The following TOP1MT variants were observed in gnomAD, a reference collection of about 807,000 sequenced individuals.
TOP1MT encodes DNA topoisomerase I, mitochondrial.
TOP1MT carries 80 observed loss-of-function variants against 73.9 expected under a neutral mutation model. The ratio of observed to expected loss-of-function variants is 1.08; its 90% CI spans 0.90 to 1.30. The LOEUF is 1.30. TOP1MT is among the 50% of genes most tolerant of loss of function. The pLI is 0.00. For synonymous variants in TOP1MT, 338 were observed against 326.4 expected (o/e 1.04, Z -0.38); for missense variants, 815 against 808.0 (o/e 1.01, Z -0.10).
At position 143,351,547 on chromosome 8, in the gene TOP1MT, T is replaced by G. The variant is rs189620893; in HGVS notation, c.-39+4418A>C. Reference sequence around the variant, plus strand: ...GTGAGCCAAGATCATGCCACCGCACTCCAGTCTGGGGGACAGAGTGAGACC... The same window carrying G: ...GTGAGCCAAGATCATGCCACCGCACGCCAGTCTGGGGGACAGAGTGAGACC... On this transcript the variant is annotated intron_variant, in intron 1 of 5. Transcript: ENST00000518760. Among the ~76,000 whole-genome samples, 45 of 145,130 alleles carry G rather than the reference T, an allele frequency of 3.1e-4. No individual in the cohort carries two copies. In the East Asian group the frequency reaches 9.1e-3, roughly 29 times the overall value.
At chr8:143,346,580 G>A (rs1817224736), upstream of TOP1MT, among the ~76,000 whole-genome samples, 1 of 152,200 alleles carries the variant, frequency 6.6e-6, no homozygotes, top group Non-Finnish European at 1.5e-5. Flanking sequence ...CCGGGAACTG[G>A]AAGCCAGCCT....
At chr8:143,330,737 G>A (rs958941006) in intron 2 of TOP1MT, among the ~76,000 whole-genome samples, 8 of 152,154 alleles carry the variant, frequency 5.3e-5, no homozygotes, top group African/African-American at 1.9e-4. Flanking sequence ...GGGCTCAAGG[G>A]CAGGAGGGGT....
upstream of TOP1MT, among the ~76,000 whole-genome samples, chr8:143,339,049 G>A (rs565131878): frequency 6.6e-6 from 1 of 152,304 alleles, no homozygotes; most frequent in African/African-American, 2.4e-5. Flanking sequence ...GCTGAATGCA[G>A]GAGCTGATAC....
chr8:143,315,302 A>C (rs562906222), intron 12 of TOP1MT, among the ~76,000 whole-genome samples: 54 of 152,070 alleles, frequency 3.6e-4, no homozygotes, highest in African/African-American at 1.2e-3. Context: ...ATAGCAGTAG[A>C]AAATTAGTGA....
At chr8:143,342,674 C>T (rs1390856256) in intron 2 of TOP1MT, among the ~76,000 whole-genome samples, 6 of 21,906 alleles carry the variant, frequency 2.7e-4, no homozygotes, top group South Asian at 3.3e-3. Flanking sequence ...GACAGTCTCG[C>T]TCTATTATTA....
At chr8:143,317,496 G>A (rs1816201370) in intron 10 of TOP1MT, among the ~76,000 whole-genome samples, 1 of 152,200 alleles carries the variant, frequency 6.6e-6, no homozygotes, top group Non-Finnish European at 1.5e-5. Flanking sequence ...CCGCCCCGCA[G>A]GGAGAACGTG....
At chr8:143,317,169 C>T (rs1586751659) in intron 10 of TOP1MT, among the ~76,000 whole-genome samples, 1 of 152,220 alleles carries the variant, frequency 6.6e-6, no homozygotes, top group East Asian at 1.9e-4. Flanking sequence ...TCTGTGCGTC[C>T]AATCTGCCCG....
chr8:143,321,922 C>A lies in TOP1MT; in HGVS notation c.961-536G>T, dbSNP rs1439566988. 3.2e-4 allele frequency among the ~76,000 whole-genome samples: 34 copies of A among 107,330 alleles called. 1 individual carries two copies. Among genetic ancestry groups the A allele is most frequent in the African/African-American group, 8.7e-4 (26 of 29,728 alleles). 70.4% of individuals were successfully genotyped at this position (107,330 alleles called of 152,430 possible). ...ACGCCACACACACAGGCACGCCACACACATGCACGCCACACACGCACGCCA... is the reference window on the plus strand; with the variant it reads ...ACGCCACACACACAGGCACGCCACAAACATGCACGCCACACACGCACGCCA... On this transcript the variant is annotated intron_variant, in intron 7 of 13. Coordinates refer to ENST00000329245, the MANE Select transcript of TOP1MT (RefSeq NM_052963.3).
chr8:143,354,491 T>C (rs555651182), intron 1 of TOP1MT, among the ~76,000 whole-genome samples: 1 of 152,164 alleles, frequency 6.6e-6, no homozygotes, highest in African/African-American at 2.4e-5. Context: ...GGCAGGCGGA[T>C]TACCTGAGGT....
rs143974988 is a variant in TOP1MT at position 143,317,766 on chromosome 8, G to A, written c.1287C>T (p.Asn429=). ...GCTGCTCCTGCAGAGTGATGGAGGCGTTGTAGGTCCGGAACACCTTGGCCG... is the reference window on the plus strand; with the variant it reads ...GCTGCTCCTGCAGAGTGATGGAGGCATTGTAGGTCCGGAACACCTTGGCCG... The part of the protein sequence containing the change: ...GLTAKVFRTY[N]ASITLQEQLR... The change falls in exon 10 of 14, where the codon AAC becomes AAT. Residue 429 remains asparagine (N), a synonymous_variant. Coordinates refer to ENST00000329245, the MANE Select transcript of TOP1MT (RefSeq NM_052963.3). The A allele has an allele frequency of 6.8e-5, 109 of 1,614,146 alleles. No individual in the cohort carries two copies. In the East Asian group the frequency reaches 7.4e-4, roughly 11 times the overall value.
At chr8:143,340,916 C>G (rs961309756) in intron 2 of TOP1MT, among the ~76,000 whole-genome samples, 1 of 152,164 alleles carries the variant, frequency 6.6e-6, no homozygotes, top group African/African-American at 2.4e-5. Flanking sequence ...CCGTAACTCT[C>G]CTTTCTGCTC....
chr8:143,351,876 G>A (rs1817326519), intron 1 of TOP1MT, among the ~76,000 whole-genome samples: 1 of 152,238 alleles, frequency 6.6e-6, no homozygotes, highest in African/African-American at 2.4e-5. Context: ...CTGAGGTCAG[G>A]AGTTCGAGAC....
chr8:143,313,527 G>T (rs1404737257), intron 12 of TOP1MT, among the ~76,000 whole-genome samples: 1 of 133,774 alleles, frequency 7.5e-6, no homozygotes, highest in Admixed American at 9.3e-5. Flanking sequence ...TCTAGCCTGG[G>T]TGACAGAGCA....
intron 2 of TOP1MT, among the ~76,000 whole-genome samples, chr8:143,330,528 T>G (rs1167514393): frequency 2.0e-5 from 3 of 152,136 alleles, no homozygotes. Flanking sequence ...AACTCAGGTG[T>G]GCATGTGACT....
chr8:143,322,052 A>C, intron 7 of TOP1MT, among the ~76,000 whole-genome samples: 1 of 105,826 alleles, frequency 9.4e-6, no homozygotes. Context: ...CATGCCACAC[A>C]CACAGGCACG....
At chr8:143,317,689 C>T (rs942714523) in intron 10 of TOP1MT, 34 bp downstream of exon 10, 13 of 1,588,592 alleles carry the variant, frequency 8.2e-6, no homozygotes, top group Non-Finnish European at 1.1e-5. Flanking sequence ...GCCGTGCTCC[C>T]CCCGCGCTGA....
At chr8:143,321,425 A>C in intron 7 of TOP1MT, 39 bp from the exon 8 acceptor site, 2 of 1,519,848 alleles carry the variant, frequency 1.3e-6, no homozygotes, top group South Asian at 1.2e-5. Context: ...TGGTGCGTGC[A>C]CACGCACGCC....
chr8:143,330,870 G>A (rs1816833386), intron 2 of TOP1MT, among the ~76,000 whole-genome samples: 1 of 149,028 alleles, frequency 6.7e-6, no homozygotes, highest in African/African-American at 2.5e-5. Flanking sequence ...ACCGTTCTGT[G>A]ATCCATGTGT....
At chr8:143,310,432 C>A (rs13256542) in intron 12 of TOP1MT, 2 of 440,476 alleles carry the variant, frequency 4.5e-6, no homozygotes, top group Non-Finnish European at 8.0e-6. Context: ...GGGCCGTGGG[C>A]GGAGGGTGAG....
Sources: gnomAD v4.1 joint callset for allele counts (sites outside exome capture counted in the v4.1 genomes callset) on GRCh38, gnomAD v4.1.1 for gene constraint, MANE v1.5 for transcripts, NCBI Gene and HGNC (gene_info 2026-07-23, HGNC 2026-07-21) for gene names.